The following HORMAD2 variants were observed in gnomAD, a reference collection of about 807,000 sequenced individuals.
HORMAD2 encodes HORMA domain-containing protein 2.
Under a neutral mutation model 38.8 loss-of-function variants are expected in HORMAD2, and 45 were observed. The ratio of observed to expected loss-of-function variants is 1.16; its 90% CI spans 0.91 to 1.49. The LOEUF is 1.49. Among genes scored for constraint, HORMAD2 ranks in the 40% most tolerant of loss-of-function variants. The pLI, the probability that HORMAD2 is intolerant of heterozygous loss-of-function variation, is 0.00. For synonymous variants in HORMAD2, 126 were observed against 122.8 expected (o/e 1.03, Z -0.17); for missense variants, 338 against 367.0 (o/e 0.92, Z 0.65).
At chr22:30,109,576 CA>C (rs1452884657) in intron 5 of HORMAD2, among the ~76,000 whole-genome samples, 3 of 152,164 alleles carry the variant, frequency 2.0e-5, no homozygotes, top group African/African-American at 7.2e-5. Context: ...CTTGGGCTCC[CA>C]AAGTGCTGGG....
intron 1 of HORMAD2, among the ~76,000 whole-genome samples, chr22:30,091,300 T>C (rs1229995869): frequency 6.7e-6 from 1 of 149,386 alleles, no homozygotes; most frequent in Non-Finnish European, 1.5e-5. Context: ...AGTCTTGCTC[T>C]GTTGCCCAGG....
chr22:30,147,985 C>T (rs1320266111), intron 10 of HORMAD2, among the ~76,000 whole-genome samples: 1 of 152,054 alleles, frequency 6.6e-6, no homozygotes, highest in Non-Finnish European at 1.5e-5. Context: ...ATTTTCACTC[C>T]TAGGTATTTA....
chr22:30,093,437 A>G (rs1448099591), intron 1 of HORMAD2, among the ~76,000 whole-genome samples: 1 of 152,166 alleles, frequency 6.6e-6, no homozygotes, highest in African/African-American at 2.4e-5. Flanking sequence ...GATTAATAAT[A>G]TATATTGAGT....
chr22:30,191,200 G>A, the HORMAD2 span, among the ~76,000 whole-genome samples: 4 of 152,162 alleles, frequency 2.6e-5, no homozygotes, highest in Admixed American at 1.3e-4. Context: ...CAGACAGCTC[G>A]TCGGGAAATG....
intron 10 of HORMAD2, among the ~76,000 whole-genome samples, chr22:30,170,757 A>C (rs1357021193): frequency 1.3e-5 from 2 of 152,074 alleles, no homozygotes; most frequent in African/African-American, 4.8e-5. Context: ...GCCTTCTCTA[A>C]ATTCCCCAGC....
intron 10 of HORMAD2, among the ~76,000 whole-genome samples, chr22:30,154,204 T>C (rs1924930411): frequency 6.6e-6 from 1 of 152,230 alleles, no homozygotes; most frequent in African/African-American, 2.4e-5. Flanking sequence ...GAATAGTCAC[T>C]AGATAGGTTA....
At chr22:30,188,540 AC>A in the HORMAD2 span, among the ~76,000 whole-genome samples, 3 of 152,238 alleles carry the variant, frequency 2.0e-5, no homozygotes, top group Non-Finnish European at 2.9e-5. Flanking sequence ...TCTGGGAATT[AC>A]TTTTGTATGT....
intron 1 of HORMAD2, among the ~76,000 whole-genome samples, chr22:30,089,923 C>A (rs1030216672): frequency 1.3e-5 from 2 of 152,214 alleles, no homozygotes; most frequent in Admixed American, 1.3e-4. Context: ...ATTCTACTTT[C>A]TGTCTCTGTG....
intron 10 of HORMAD2, among the ~76,000 whole-genome samples, chr22:30,155,410 A>G (rs1412681609): frequency 2.6e-5 from 4 of 152,078 alleles, no homozygotes; most frequent in African/African-American, 7.2e-5. Flanking sequence ...TGATGCTCAT[A>G]TTCTCTAAGA....
rs931383745 is a variant in HORMAD2, at chr22:30,176,688, G to A, written c.*521G>A. The A allele has an allele frequency of 6.5e-6, 1 of 153,020 alleles. No individual in the cohort carries two copies. The highest frequency in any genetic ancestry group is 6.5e-5 in the Admixed American group (1 of 15,282). 9.5% of individuals were successfully genotyped at this position (153,020 alleles called of 1,614,324 possible). A position where few individuals can be genotyped will look rare whatever the true frequency, so the allele number is the denominator to read the frequency against. On this transcript the variant is annotated 3_prime_UTR_variant, in exon 11 of 11. Transcript: ENST00000336726. Reference sequence around the variant, plus strand: ...GTCACGAGGTTGATCAGCTAATTGTGGGACCAAAATGTGCCCTGCCTCAAC... The same window carrying A: ...GTCACGAGGTTGATCAGCTAATTGTAGGACCAAAATGTGCCCTGCCTCAAC...
At chr22:30,154,102 T>G (rs188099907) in intron 10 of HORMAD2, among the ~76,000 whole-genome samples, 5 of 152,298 alleles carry the variant, frequency 3.3e-5, no homozygotes, top group Admixed American at 3.3e-4. Flanking sequence ...CAATTTCCCC[T>G]TACTTCCTCG....
chr22:30,080,282 G>T (rs6519802), upstream of HORMAD2: 11,834 of 152,496 alleles, frequency 0.078, 540 homozygotes, highest in African/African-American at 0.091. Context: ...GCTAGGGGCC[G>T]GCTAGCCGCC....
intron 5 of HORMAD2, among the ~76,000 whole-genome samples, chr22:30,109,051 GTCTC>G (rs1309077734): frequency 3.1e-5 from 4 of 130,386 alleles, no homozygotes; most frequent in Admixed American, 8.7e-5. Flanking sequence ...TTTTTTTGGA[GTCTC>G]TCTCTGTTGC....
chr22:30,168,003 C>T (rs982811285), intron 10 of HORMAD2, among the ~76,000 whole-genome samples: 3 of 152,130 alleles, frequency 2.0e-5, no homozygotes, highest in African/African-American at 7.2e-5. Context: ...GAATAAATGA[C>T]ATAACATATG....
At chr22:30,187,807 A>C in the HORMAD2 span, among the ~76,000 whole-genome samples, 1 of 152,004 alleles carries the variant, frequency 6.6e-6, no homozygotes, top group Non-Finnish European at 1.5e-5. Flanking sequence ...CAGCCTAGAG[A>C]CATACTGTGA....
At chr22:30,138,902 A>G (rs1410312516) in intron 10 of HORMAD2, among the ~76,000 whole-genome samples, 1 of 152,152 alleles carries the variant, frequency 6.6e-6, no homozygotes, top group Non-Finnish European at 1.5e-5. Context: ...ACTGGATGAA[A>G]TTAACATTTA....
At chr22:30,159,132 C>T (rs921003341) in intron 10 of HORMAD2, among the ~76,000 whole-genome samples, 1 of 152,092 alleles carries the variant, frequency 6.6e-6, no homozygotes, top group African/African-American at 2.4e-5. Flanking sequence ...AGAGACAATG[C>T]GGAAAAATTA....
intron 1 of HORMAD2, among the ~76,000 whole-genome samples, chr22:30,093,556 C>A (rs2068729353): frequency 6.6e-6 from 1 of 151,864 alleles, no homozygotes; most frequent in East Asian, 1.9e-4. Flanking sequence ...AGACCTTATG[C>A]CAAAATTATA....
chr22:30,151,285 A>G (rs1399078972), intron 10 of HORMAD2, among the ~76,000 whole-genome samples: 1 of 152,080 alleles, frequency 6.6e-6, no homozygotes, highest in Non-Finnish European at 1.5e-5. Context: ...GTCATTCTAG[A>G]GGGGTTTTTG....
Sources: gnomAD v4.1 joint callset for allele counts (sites outside exome capture counted in the v4.1 genomes callset) on GRCh38, gnomAD v4.1.1 for gene constraint, MANE v1.5 for transcripts, NCBI Gene and HGNC (gene_info 2026-07-23, HGNC 2026-07-21) for gene names.